The following SRRM4 variants were observed in gnomAD, a reference collection of about 807,000 sequenced individuals.
SRRM4 encodes serine/arginine repetitive matrix 4.
SRRM4 carries 33 observed loss-of-function variants against 68.9 expected under a neutral mutation model. The ratio of observed to expected loss-of-function variants is 0.48; its 90% CI spans 0.36 to 0.64. SRRM4 has a LOEUF of 0.64. Ranked by LOEUF, SRRM4 falls within the 30% of genes least tolerant of loss-of-function variation. The pLI, the probability that SRRM4 is intolerant of heterozygous loss-of-function variation, is 0.00. For synonymous variants in SRRM4, 318 were observed against 318.8 expected (o/e 1.00, Z 0.03); for missense variants, 817 against 827.1 (o/e 0.99, Z 0.15).
chr12:119,135,144 T>A (rs1954320253), intron 8 of SRRM4, among the ~76,000 whole-genome samples: 1 of 152,160 alleles, frequency 6.6e-6, no homozygotes, highest in Non-Finnish European at 1.5e-5. Flanking sequence ...CCTTGAAAGC[T>A]TACCCTGATA....
At chr12:119,141,516 G>A (rs866703735) in intron 8 of SRRM4, among the ~76,000 whole-genome samples, 2 of 152,174 alleles carry the variant, frequency 1.3e-5, no homozygotes, top group East Asian at 3.9e-4. Context: ...ACGATTCTCA[G>A]TGTGATGGAG....
At chr12:119,054,341 T>C (rs1953764103) in intron 1 of SRRM4, among the ~76,000 whole-genome samples, 2 of 152,254 alleles carry the variant, frequency 1.3e-5, no homozygotes, top group Non-Finnish European at 1.5e-5. Context: ...TCCTTAGATA[T>C]GTATATTATC....
Position 119,154,519 on chromosome 12 carries a change from C to G in SRRM4, c.1532+136C>G. On this transcript the variant is annotated intron_variant, in intron 12 of 12. Transcript: ENST00000267260. This position sits in a 1 kb window ranked among gnomAD's most constrained non-coding sequence, Gnocchi z 4.7. ...TGTGCGAGCTTATGGTCCCCCCAAC[C>G]CCAACATCATTGAAATTACGTGTCT... 1.1e-6 allele frequency: 1 copy of G among 949,390 alleles called. No homozygotes were observed. Among genetic ancestry groups the G allele is most frequent in the Non-Finnish European group, 1.6e-6 (1 of 640,588 alleles). The allele number at this position is 949,390 out of a possible 1,614,324, so 58.8% of individuals were successfully genotyped here.
Position 119,151,325 on chromosome 12 carries a change from G to A in SRRM4, c.1280+105G>A, listed in dbSNP as rs2136068820. 4.7e-6 allele frequency: 5 copies of A among 1,065,780 alleles called. No homozygotes were observed. In the South Asian group the frequency reaches 6.7e-5, roughly 14 times the overall value. 66.0% of individuals were successfully genotyped at this position (1,065,780 alleles called of 1,614,324 possible). The stretch of plus-strand genomic sequence containing the variant: ...GGGGGAGAGAAGTCAGACGGACTTA[G>A]GTTTGAATACTCGTTTTGCCCATTT... On this transcript the variant is annotated intron_variant, in intron 10 of 12. Coordinates refer to ENST00000267260, the MANE Select transcript of SRRM4 (RefSeq NM_194286.4).
At chr12:119,143,282 AG>A (rs1954378034) in intron 8 of SRRM4, among the ~76,000 whole-genome samples, 1 of 152,260 alleles carries the variant, frequency 6.6e-6, no homozygotes, top group African/African-American at 2.4e-5. Context: ...TTCCAGAAGT[AG>A]AAGTCCCCCC....
chr12:119,144,594 T>C (rs1380120841), intron 8 of SRRM4: 1 of 152,210 alleles, frequency 6.6e-6, no homozygotes, highest in Non-Finnish European at 1.5e-5. Context: ...GAGAATTTAT[T>C]AGAAGCCACT....
At chr12:119,098,361 G>T (rs1244617005) in intron 1 of SRRM4, among the ~76,000 whole-genome samples, 3 of 152,202 alleles carry the variant, frequency 2.0e-5, no homozygotes, top group African/African-American at 7.2e-5. Flanking sequence ...GGCATTGGCT[G>T]AGTTACTGAC....
At chr12:119,150,127 A>T (rs551963725) in intron 9 of SRRM4, among the ~76,000 whole-genome samples, 14 of 152,340 alleles carry the variant, frequency 9.2e-5, no homozygotes, top group African/African-American at 3.4e-4. Context: ...CTCATTTTTA[A>T]TATATAAGTA....
rs200936618 is a variant in SRRM4, at chr12:119,146,935, CA to C, written c.1076+1262del. On this transcript the variant is annotated intron_variant, in intron 9 of 12. Coordinates refer to ENST00000267260, the MANE Select transcript of SRRM4 (RefSeq NM_194286.4). Reference sequence around the variant, plus strand: ...TGGGTGACAGAGCCAGACTCCATCTCAAAAAAAAAAAAGAACATATCACAGT... The same window carrying C: ...TGGGTGACAGAGCCAGACTCCATCTCAAAAAAAAAAAGAACATATCACAGT... Among the ~76,000 whole-genome samples, 441 of 135,812 alleles carry C rather than the reference CA, an allele frequency of 3.2e-3. 2 individuals are homozygous for C. The highest frequency in any genetic ancestry group is 0.015 in the East Asian group (72 of 4,716). 89.1% of individuals were successfully genotyped at this position (135,812 alleles called of 152,430 possible).
At chr12:119,029,541 G>C (rs996401255) in intron 1 of SRRM4, among the ~76,000 whole-genome samples, 3 of 152,202 alleles carry the variant, frequency 2.0e-5, no homozygotes, top group African/African-American at 7.2e-5. Context: ...CTGTGCCAGG[G>C]ACTGTCATAG....
At chr12:119,063,238 A>G (rs1223615358) in intron 1 of SRRM4, among the ~76,000 whole-genome samples, 5 of 152,224 alleles carry the variant, frequency 3.3e-5, no homozygotes, top group Non-Finnish European at 7.3e-5. Flanking sequence ...TTATCAATGC[A>G]CATGACTCCC....
chr12:119,126,255 C>G (rs1954259490), intron 7 of SRRM4, among the ~76,000 whole-genome samples: 1 of 151,876 alleles, frequency 6.6e-6, no homozygotes, highest in Admixed American at 6.6e-5. Flanking sequence ...AACTCCTGAC[C>G]TCAAGTGATC....
intron 2 of SRRM4, among the ~76,000 whole-genome samples, chr12:119,109,201 T>C (rs963855822): frequency 2.6e-4 from 40 of 152,210 alleles, no homozygotes; most frequent in African/African-American, 8.7e-4. Flanking sequence ...GCTGTTAGTC[T>C]GATGGGCTTC....
chr12:119,152,985 C>T (rs968804924), intron 10 of SRRM4, among the ~76,000 whole-genome samples: 4 of 152,154 alleles, frequency 2.6e-5, no homozygotes, highest in South Asian at 2.1e-4. Flanking sequence ...CTGTGTTTAG[C>T]GAAGTGCATC....
At chr12:119,112,084 T>A (rs1423481763) in intron 2 of SRRM4, among the ~76,000 whole-genome samples, 1 of 152,040 alleles carries the variant, frequency 6.6e-6, no homozygotes, top group Non-Finnish European at 1.5e-5. Flanking sequence ...AAGTAGCCCA[T>A]CCTGTTTACA....
chr12:119,022,824 G>C (rs1953524613), intron 1 of SRRM4, among the ~76,000 whole-genome samples: 1 of 152,156 alleles, frequency 6.6e-6, no homozygotes, highest in Non-Finnish European at 1.5e-5. Context: ...TAGAAGTCCA[G>C]AGGCAGAGTT....
Position 118,981,666 on chromosome 12 carries a change from A to G in SRRM4, c.-217A>G. ...TCAGAGCGCAGCCTGGAGCCGACCCAGAAGGGCGAAGAAAGCCCAGCGGAC... is the reference window on the plus strand; with the variant it reads ...TCAGAGCGCAGCCTGGAGCCGACCCGGAAGGGCGAAGAAAGCCCAGCGGAC... On this transcript the variant is annotated 5_prime_UTR_variant, in exon 1 of 13. Coordinates refer to ENST00000267260, the MANE Select transcript of SRRM4 (RefSeq NM_194286.4). 1 of 561,046 alleles carries G rather than the reference A, an allele frequency of 1.8e-6. No homozygotes were observed. The highest frequency in any genetic ancestry group is 3.1e-6 in the Non-Finnish European group (1 of 320,656). The allele number at this position is 561,046 out of a possible 1,614,324, so 34.8% of individuals were successfully genotyped here. A position where few individuals can be genotyped will look rare whatever the true frequency, so the allele number is the denominator to read the frequency against.
In SRRM4 at chr12:119,102,287, A is replaced by G; in HGVS notation, c.183A>G (p.Glu61=). 6.2e-7 allele frequency: 1 copy of G among 1,613,842 alleles called. No homozygotes were observed. The highest frequency in any genetic ancestry group is 8.5e-7 in the Non-Finnish European group (1 of 1,179,820). The change falls in exon 2 of 13, where the codon GAA becomes GAG. Residue 61 remains glutamate, a synonymous_variant. Transcript: ENST00000267260. ...PVVPAQDGPS[E]KLGQHLATEP... is the part of the protein sequence containing the mutation. ...TCCCAGCTCAGGATGGACCCTCAGAAAAGCTGGGTCAGCATCTGGCCACCG... is the reference window on the plus strand; with the variant it reads ...TCCCAGCTCAGGATGGACCCTCAGAGAAGCTGGGTCAGCATCTGGCCACCG...
At chr12:119,117,197 A>C (rs966036767) in intron 4 of SRRM4, among the ~76,000 whole-genome samples, 189 bp downstream of exon 4, 4 of 152,168 alleles carry the variant, frequency 2.6e-5, no homozygotes, top group African/African-American at 9.7e-5. Flanking sequence ...ACACATGCTA[A>C]CTGAGGCCAG....
Sources: allele counts gnomAD v4.1 joint callset (sites outside exome capture counted in the v4.1 genomes callset), GRCh38; gene constraint gnomAD v4.1.1; non-coding constraint Gnocchi (gnomAD v3.1); transcripts MANE v1.5; gene names NCBI Gene and HGNC (gene_info 2026-07-23, HGNC 2026-07-21).